Variants in GDA observed in about 807,000 individuals in gnomAD.
GDA encodes the protein guanine deaminase.
A neutral mutation model predicts 59.6 loss-of-function variants in GDA; 18 were observed. The ratio of observed to expected loss-of-function variants is 0.30; its 90% confidence interval spans 0.21 to 0.45. GDA has a LOEUF of 0.45. Among genes scored for constraint, GDA ranks in the 20% least tolerant of loss-of-function variants. The pLI, the probability that GDA is intolerant of heterozygous loss-of-function variation, is 1.00. For missense variants in GDA, 427 were observed against 552.3 expected, an observed-to-expected ratio of 0.77 and a Z score of 2.27; for synonymous variants, 201 against 201.1, an observed-to-expected ratio of 1.00 and a Z score of 0.00.
chr9:72,135,551 T>C (rs1279852091), intron 1 of GDA, among the ~76,000 whole-genome samples: 1 of 152,094 alleles, frequency 6.6e-6, no homozygotes, highest in African/African-American at 2.4e-5. Flanking sequence ...CCTAACGGCA[T>C]CTATTACGAG....
intron 2 of GDA, among the ~76,000 whole-genome samples, chr9:72,198,917 A>G (rs1833586307): frequency 6.6e-6 from 1 of 150,406 alleles, no homozygotes; most frequent in Non-Finnish European, 1.5e-5. Context: ...GATTTGGAAT[A>G]CCTGGGGGAA....
At position 72,248,127 on chromosome 9, in the gene GDA, T is replaced by C; in HGVS notation, c.1295-145T>C. 3 of 662,350 alleles carry C rather than the reference T, an allele frequency of 4.5e-6. No homozygotes were observed. The South Asian group carries it at 5.3e-5, about 12-fold the overall frequency. 41.0% of individuals were successfully genotyped at this position (662,350 alleles called of 1,614,324 possible). A position where few individuals can be genotyped will look rare whatever the true frequency, so the allele number is the denominator to read the frequency against. On this transcript the variant is annotated intron_variant, in intron 13 of 13. Coordinates refer to ENST00000358399, the MANE Select transcript of GDA (RefSeq NM_004293.5). ...ACTAGTCATATCTTCCTGTTCAGAT[T>C]ATAAACAATCTGAGGGTTGGGGGAA...
At chr9:72,119,039 A>G (rs12348847) in intron 1 of GDA, among the ~76,000 whole-genome samples, 19,248 of 152,184 alleles carry the variant, frequency 0.13, 2,597 homozygotes, top group African/African-American at 0.34. Context: ...AAAAGAAAAC[A>G]TAGTCTTTAA....
chr9:72,168,242 A>G (rs1427653148), intron 1 of GDA, among the ~76,000 whole-genome samples: 1 of 151,968 alleles, frequency 6.6e-6, no homozygotes, highest in Non-Finnish European at 1.5e-5. Context: ...CAAAACAAAC[A>G]AAAAAACACG....
rs576495413 is a variant in GDA at position 72,219,283 on chromosome 9, G to A, written c.579-196G>A. On this transcript the variant is annotated intron_variant, in intron 5 of 13. Coordinates refer to ENST00000358399, the MANE Select transcript of GDA (RefSeq NM_004293.5). ...CTGGACGTGGTGGCGGGTGCCTGTA[G>A]TCCCAGCTACTCGGGAGGCTGAGGC... Among the ~76,000 whole-genome samples the A allele has an allele frequency of 8.6e-5, 13 of 152,018 alleles. No homozygotes were observed. In the East Asian group the frequency reaches 2.1e-3, roughly 25 times the overall value.
upstream of GDA, among the ~76,000 whole-genome samples, chr9:72,147,318 C>G (rs536379292): frequency 4.6e-4 from 70 of 152,318 alleles, 1 homozygote; most frequent in Middle Eastern, 3.4e-3. Context: ...AGCAATTTTC[C>G]TGCCTCACCC....
chr9:72,223,532 T>C (rs1426399022), intron 7 of GDA, among the ~76,000 whole-genome samples: 1 of 152,218 alleles, frequency 6.6e-6, no homozygotes, highest in Non-Finnish European at 1.5e-5. Context: ...TGTGATCTGT[T>C]CTCTGTAGGA....
At position 72,231,253 on chromosome 9, in the gene GDA, G is replaced by A. The variant is rs1554680861; in HGVS notation, c.988+72G>A. ...TGTAATTTTCTAATGTGACTAATTT[G>A]CAGGTGACTGTTCTGTTTAAAAAAA... On this transcript the variant is annotated intron_variant, in intron 10 of 13. Transcript: ENST00000358399. 29 of 847,558 alleles carry A rather than the reference G, an allele frequency of 3.4e-5. No homozygotes were observed. The South Asian group carries it at 3.8e-4, about 11-fold the overall frequency. 52.5% of individuals were successfully genotyped at this position (847,558 alleles called of 1,614,324 possible). A position where few individuals can be genotyped will look rare whatever the true frequency, so the allele number is the denominator to read the frequency against.
intron 1 of GDA, among the ~76,000 whole-genome samples, chr9:72,174,773 GAGAGAGAC>G (rs1830366803): frequency 6.6e-6 from 1 of 152,030 alleles, no homozygotes; most frequent in African/African-American, 2.4e-5. Context: ...GAGAGAGAGA[GAGAGAGAC>G]AGACAGACAG....
chr9:72,173,335 CTT>C (rs779786795), intron 1 of GDA, among the ~76,000 whole-genome samples: 60 of 141,210 alleles, frequency 4.2e-4, no homozygotes, highest in Non-Finnish European at 4.5e-4. Context: ...ACTTCCCCTT[CTT>C]TTTTTTTTTT....
chr9:72,258,924 C>A (rs1840912367), downstream of GDA, among the ~76,000 whole-genome samples: 1 of 152,172 alleles, frequency 6.6e-6, no homozygotes, highest in Non-Finnish European at 1.5e-5. Context: ...AGGCTTCTTG[C>A]AGGGCCAGCC....
chr9:72,225,772 T>G lies in GDA; in HGVS notation c.810T>G (p.Leu270=), dbSNP rs1837478306. 6.8e-6 allele frequency: 9 copies of G among 1,328,400 alleles called. No individual in the cohort carries two copies. The East Asian group carries it at 2.1e-4, about 31-fold the overall frequency. 82.3% of individuals were successfully genotyped at this position (1,328,400 alleles called of 1,614,324 possible). A position where few individuals can be genotyped will look rare whatever the true frequency, so the allele number is the denominator to read the frequency against. Residue 270 remains leucine (L), a synonymous_variant, in exon 8 of 14, where the codon CTT becomes CTG. Transcript: ENST00000358399. ...NYTSVYDKNN[L]LTNKTVMAHG... ...CATCTGTGTATGATAAAAACAATCT[T>G]TTGACAAATAAGGTAAGTTTTATAT...
chr9:72,234,064 A>G (rs932906804), intron 10 of GDA, among the ~76,000 whole-genome samples: 2 of 152,226 alleles, frequency 1.3e-5, no homozygotes, highest in African/African-American at 2.4e-5. Context: ...AAGTTGAGGT[A>G]TATTCATATA....
intron 1 of GDA, among the ~76,000 whole-genome samples, chr9:72,170,972 A>G (rs1829902848): frequency 6.6e-6 from 1 of 152,082 alleles, no homozygotes; most frequent in Non-Finnish European, 1.5e-5. Context: ...GTGCACCACC[A>G]TGCCTAGCTA....
At chr9:72,201,287 A>G (rs1833976045) in intron 2 of GDA, among the ~76,000 whole-genome samples, 1 of 151,942 alleles carries the variant, frequency 6.6e-6, no homozygotes, top group Non-Finnish European at 1.5e-5. Context: ...GAATGTATAC[A>G]CTTTAACTCA....
At chr9:72,223,513 A>G (rs1397153463) in intron 7 of GDA, among the ~76,000 whole-genome samples, 1 of 152,228 alleles carries the variant, frequency 6.6e-6, no homozygotes. Context: ...GGCAAGATCA[A>G]TAACAGACTG....
chr9:72,248,632 G>A lies in GDA; in HGVS notation c.*290G>A. ...TGCTATTACTGGTGGTGTTCCTACGGTAAGACTTAAGCAAAGCCTTTTTCA... is the reference window on the plus strand; with the variant it reads ...TGCTATTACTGGTGGTGTTCCTACGATAAGACTTAAGCAAAGCCTTTTTCA... On this transcript the variant is annotated 3_prime_UTR_variant, in exon 14 of 14. Coordinates refer to ENST00000358399, the MANE Select transcript of GDA (RefSeq NM_004293.5). 1.7e-6 allele frequency: 2 copies of A among 1,149,458 alleles called. No homozygotes were observed. The highest frequency in any genetic ancestry group is 4.8e-5 in the East Asian group (1 of 21,036). 71.2% of individuals were successfully genotyped at this position (1,149,458 alleles called of 1,614,324 possible).
intron 10 of GDA, among the ~76,000 whole-genome samples, chr9:72,238,096 A>G (rs1019113507): frequency 3.3e-5 from 5 of 152,156 alleles, no homozygotes; most frequent in African/African-American, 9.7e-5. Context: ...AAGCTCTGCA[A>G]TGGTTTGACA....
rs766397272 is a variant in GDA at position 72,149,667 on chromosome 9, G to T, written c.108G>T (p.Val36=). 4 of 1,601,432 alleles carry T rather than the reference G, an allele frequency of 2.5e-6. No homozygotes were observed. In the Middle Eastern group the frequency reaches 5.0e-4, roughly 200 times the overall value. ...MEVLRDHLLG[V]SDSGKIVFLE... is the part of the protein sequence containing the mutation. ...TGCTGCGGGATCACCTCCTCGGCGT[G>T]AGCGACAGCGGCAAAGTAAGCAGGC... The change falls in exon 1 of 14, where the codon GTG becomes GTT. Residue 36 remains valine, a synonymous_variant. Coordinates refer to ENST00000358399, the MANE Select transcript of GDA (RefSeq NM_004293.5).
Sources: allele counts gnomAD v4.1 joint callset (sites outside exome capture counted in the v4.1 genomes callset), GRCh38; gene constraint gnomAD v4.1.1; transcripts MANE v1.5; gene names NCBI Gene and HGNC (gene_info 2026-07-23, HGNC 2026-07-21).